The following TMPRSS11D variants were observed in gnomAD, a reference collection of about 807,000 sequenced individuals.
TMPRSS11D encodes the protein transmembrane protease serine 11D.
Under a neutral mutation model 44.4 loss-of-function variants are expected in TMPRSS11D, and 32 were observed. That is an observed-to-expected ratio of 0.72 (90% CI 0.54 to 0.97). The LOEUF (loss-of-function observed/expected upper bound fraction) is 0.97, where lower values mean the gene tolerates loss of function less well. Ranked by LOEUF, TMPRSS11D falls within the 50% of genes least tolerant of loss-of-function variation. The pLI, the probability that TMPRSS11D is intolerant of heterozygous loss-of-function variation, is 0.00. For missense variants in TMPRSS11D, 446 were observed against 502.6 expected, an observed-to-expected ratio of 0.89 and a Z score of 1.08; for synonymous variants, 179 against 177.9, an observed-to-expected ratio of 1.01 and a Z score of -0.05.
At chr4:67,833,413 G>T (rs765883802) in intron 6 of TMPRSS11D, 32 bp from the exon 7 acceptor site, 1 of 1,398,448 alleles carries the variant, frequency 7.2e-7, no homozygotes, top group South Asian at 1.8e-5. Context: ...GTGCTGGGAA[G>T]ATCATGATTC....
At position 67,833,283 on chromosome 4, in the gene TMPRSS11D, G is replaced by A. The variant is rs373004299; in HGVS notation, c.613C>T (p.Arg205Trp). ...EGSWPWQVSLRLNNAHHCGGS... is the reference protein window; with the variant it reads ...EGSWPWQVSLWLNNAHHCGGS... ...CCACAGTGGTGGGCATTATTGAGCC[G>A]CAGACTGACTTGCCACGGCCAGCTT... The change falls in exon 7 of 10, where the codon CGG becomes TGG. Residue 205 changes from arginine (R) to tryptophan (W), a missense_variant. By Grantham distance (101) the Arg-to-Trp change is moderately radical (BLOSUM62 -3). Transcript: ENST00000283916. The A allele has an allele frequency of 9.9e-5, 159 of 1,598,380 alleles. No homozygotes were observed. Among genetic ancestry groups the A allele is most frequent in the Non-Finnish European group, 1.2e-4 (142 of 1,172,934 alleles).
chr4:67,821,165 A>G lies in TMPRSS11D; in HGVS notation c.*1172T>C, dbSNP rs924469326. On this transcript the variant is annotated 3_prime_UTR_variant, in exon 10 of 10. Coordinates refer to ENST00000283916, the MANE Select transcript of TMPRSS11D (RefSeq NM_004262.3). ...TAGGAGCTCATAAAAACTCAGGAAT[A>G]TTAGTGATTCAGACTACAGAGATTT... 1 of 152,202 alleles carries G rather than the reference A, an allele frequency of 6.6e-6. No individual in the cohort carries two copies. The highest frequency in any genetic ancestry group is 1.5e-5 in the Non-Finnish European group (1 of 68,038). 9.4% of individuals were successfully genotyped at this position (152,202 alleles called of 1,614,324 possible). A position where few individuals can be genotyped will look rare whatever the true frequency, so the allele number is the denominator to read the frequency against.
At chr4:67,827,871 A>T (rs148442557) in intron 7 of TMPRSS11D, among the ~76,000 whole-genome samples, 37 of 152,166 alleles carry the variant, frequency 2.4e-4, no homozygotes, top group African/African-American at 8.7e-4. Context: ...CAACTAAGAA[A>T]CCTGAAATAA....
At chr4:67,877,596 TC>T (rs1719222131) in intron 1 of TMPRSS11D, among the ~76,000 whole-genome samples, 1 of 152,202 alleles carries the variant, frequency 6.6e-6, no homozygotes, top group African/African-American at 2.4e-5. Flanking sequence ...TCTTTCTGAT[TC>T]TCACAACCTT....
chr4:67,840,093 G>C (rs976845331), intron 4 of TMPRSS11D, among the ~76,000 whole-genome samples: 1 of 151,182 alleles, frequency 6.6e-6, no homozygotes, highest in East Asian at 1.9e-4. Flanking sequence ...GGTTGTACAG[G>C]GTCCCAAGTG....
chr4:67,827,835 T>C (rs1291659650), intron 7 of TMPRSS11D, among the ~76,000 whole-genome samples: 1 of 152,086 alleles, frequency 6.6e-6, no homozygotes, highest in Non-Finnish European at 1.5e-5. Context: ...ATTTCTCTTT[T>C]GTCCATACCT....
intron 2 of TMPRSS11D, among the ~76,000 whole-genome samples, chr4:67,857,741 G>A (rs1343346222): frequency 1.3e-5 from 2 of 152,106 alleles, no homozygotes; most frequent in African/African-American, 4.8e-5. Flanking sequence ...TTGAAGAGAG[G>A]TTGGCTAACA....
intron 9 of TMPRSS11D, among the ~76,000 whole-genome samples, chr4:67,825,082 T>C (rs1369410544): frequency 6.6e-6 from 1 of 152,094 alleles, no homozygotes; most frequent in Non-Finnish European, 1.5e-5. Flanking sequence ...ATAATAGTTA[T>C]TTCTTTTCTT....
At chr4:67,855,983 T>C (rs1718625299) in intron 2 of TMPRSS11D, among the ~76,000 whole-genome samples, 1 of 152,050 alleles carries the variant, frequency 6.6e-6, no homozygotes, top group South Asian at 2.1e-4. Context: ...ATGAAAGAAA[T>C]GGAAGAGGGC....
chr4:67,869,996 A>T (rs539053602), intron 1 of TMPRSS11D, among the ~76,000 whole-genome samples: 2 of 152,318 alleles, frequency 1.3e-5, no homozygotes, highest in African/African-American at 2.4e-5. Context: ...GTCTCTAATT[A>T]AAAAAGATGG....
At chr4:67,852,697 G>T (rs1305198065) in intron 3 of TMPRSS11D, among the ~76,000 whole-genome samples, 1 of 152,140 alleles carries the variant, frequency 6.6e-6, no homozygotes, top group Non-Finnish European at 1.5e-5. Flanking sequence ...AGAATGATTT[G>T]GGAAGAGACT....
chr4:67,857,488 C>T lies in TMPRSS11D; in HGVS notation c.130+2069G>A, dbSNP rs1417077139. On this transcript the variant is annotated intron_variant, in intron 2 of 9. Coordinates refer to ENST00000283916, the MANE Select transcript of TMPRSS11D (RefSeq NM_004262.3). Reference sequence around the variant, plus strand: ...AATTAGCCAGGCATGGTGGCTCATGCCTGTAATCCCTGTAATCCCAGTACT... The same window carrying T: ...AATTAGCCAGGCATGGTGGCTCATGTCTGTAATCCCTGTAATCCCAGTACT... 2.0e-5 allele frequency among the ~76,000 whole-genome samples: 3 copies of T among 151,848 alleles called. No individual in the cohort carries two copies. The East Asian group carries it at 5.8e-4, about 29-fold the overall frequency.
intron 3 of TMPRSS11D, among the ~76,000 whole-genome samples, chr4:67,843,661 C>T (rs1407909057): frequency 6.6e-6 from 1 of 152,184 alleles, no homozygotes; most frequent in Non-Finnish European, 1.5e-5. Flanking sequence ...CAGTGGCTCA[C>T]GCCTGTAATC....
chr4:67,860,370 G>A (rs745733532), intron 1 of TMPRSS11D: 13 of 152,130 alleles, frequency 8.5e-5, no homozygotes, highest in Non-Finnish European at 1.5e-4. Context: ...GGAGCTGGAT[G>A]TGAATTCCAG....
chr4:67,834,260 G>T (rs1718018363), intron 6 of TMPRSS11D, among the ~76,000 whole-genome samples: 1 of 147,640 alleles, frequency 6.8e-6, no homozygotes, highest in East Asian at 1.9e-4. Flanking sequence ...ACCACCTAAA[G>T]GCTTTTTTTT....
chr4:67,854,742 C>A (rs1322233520), intron 2 of TMPRSS11D, among the ~76,000 whole-genome samples: 1 of 152,018 alleles, frequency 6.6e-6, no homozygotes, highest in Non-Finnish European at 1.5e-5. Flanking sequence ...ACTTGACAGA[C>A]CAATAACAAG....
intron 4 of TMPRSS11D, among the ~76,000 whole-genome samples, chr4:67,841,931 T>TTTG (rs1718240792): frequency 3.3e-5 from 5 of 152,170 alleles, no homozygotes; most frequent in Non-Finnish European, 5.9e-5. Context: ...ATTTAAAGAC[T>TTTG]AGAGCAATGT....
chr4:67,883,970 C>T lies in TMPRSS11D; in HGVS notation c.-37G>A. 6.3e-7 allele frequency: 1 copy of T among 1,594,094 alleles called. No individual in the cohort carries two copies. The highest frequency in any genetic ancestry group is 1.7e-5 in the Admixed American group (1 of 57,300). On this transcript the variant is annotated 5_prime_UTR_variant, in exon 1 of 10. Transcript: ENST00000283916. ...ATGAAGAGGTTCTTTTTTCTGCCTA[C>T]TCAACTGCTTTGAGATTCCCACTCA... is the stretch of plus-strand genomic sequence containing the variant.
chr4:67,868,316 G>A (rs1718973669), intron 1 of TMPRSS11D, among the ~76,000 whole-genome samples: 1 of 152,080 alleles, frequency 6.6e-6, no homozygotes, highest in Admixed American at 6.6e-5. Context: ...GGGGAAAGAA[G>A]GATGAGAAAT....
Sources: allele counts gnomAD v4.1 joint callset (sites outside exome capture counted in the v4.1 genomes callset), GRCh38; gene constraint gnomAD v4.1.1; transcripts MANE v1.5; gene names NCBI Gene and HGNC (gene_info 2026-07-23, HGNC 2026-07-21).